Variants in AFF3 observed in about 807,000 individuals in gnomAD.
AFF3 encodes the protein AF4/FMR2 family member 3.
In AFF3, 32 loss-of-function variants were observed where a neutral mutation model predicts 129.7. The ratio of observed to expected loss-of-function variants is 0.25; its 90% CI spans 0.19 to 0.33. The LOEUF (loss-of-function observed/expected upper bound fraction) is 0.33. Among genes scored for constraint, AFF3 ranks in the 10% least tolerant of loss-of-function variants. AFF3 has a pLI of 1.00. For missense variants in AFF3, 1,373 were observed against 1,592.0 expected (o/e 0.86, Z 2.34); for synonymous variants, 644 against 635.4 (o/e 1.01, Z -0.20).
At chr2:100,117,418 A>G (rs2105546530) in intron 2 of AFF3, among the ~76,000 whole-genome samples, 1 of 152,262 alleles carries the variant, frequency 6.6e-6, no homozygotes, top group East Asian at 1.9e-4. Context: ...TCTCTTGTTA[A>G]ACCCATCCAC....
intron 8 of AFF3, among the ~76,000 whole-genome samples, chr2:99,765,001 A>G (rs568147710): frequency 6.6e-6 from 1 of 152,328 alleles, no homozygotes; most frequent in East Asian, 1.9e-4. Context: ...TCACTGCGTC[A>G]TTTCTGAGCC....
intron 7 of AFF3, among the ~76,000 whole-genome samples, chr2:99,939,144 G>A (rs1012928036): frequency 2.0e-5 from 3 of 152,132 alleles, no homozygotes; most frequent in South Asian, 2.1e-4. Context: ...TTATGGCTAA[G>A]AAAGAAAGGA....
At chr2:100,037,174 G>C (rs984737289) in intron 4 of AFF3, among the ~76,000 whole-genome samples, 10 of 151,410 alleles carry the variant, frequency 6.6e-5, no homozygotes, top group African/African-American at 2.4e-4. Flanking sequence ...CAAAATATTA[G>C]AAGAAAAAAA....
intron 7 of AFF3, among the ~76,000 whole-genome samples, chr2:99,877,077 A>C (rs1490008027): frequency 1.3e-5 from 2 of 152,214 alleles, no homozygotes; most frequent in African/African-American, 4.8e-5. Context: ...GGTCTAACCT[A>C]ACAACATTTC....
intron 7 of AFF3, among the ~76,000 whole-genome samples, chr2:99,982,823 A>T (rs994664279): frequency 6.6e-6 from 1 of 152,240 alleles, no homozygotes; most frequent in Non-Finnish European, 1.5e-5. Context: ...AAATCAGAAC[A>T]GAAAAAAATT....
Position 100,105,283 on chromosome 2 carries a change from C to A in AFF3, c.-65+221G>T, listed in dbSNP as rs1691198929. 1.2e-5 allele frequency: 14 copies of A among 1,174,262 alleles called. No individual in the cohort carries two copies. The South Asian group carries it at 1.9e-4, about 16-fold the overall frequency. 72.7% of individuals were successfully genotyped at this position (1,174,262 alleles called of 1,614,324 possible). On this transcript the variant is annotated intron_variant, in intron 3 of 24. Transcript: ENST00000672756. ...GGGTGCGGGGGAATTCCCCGGCCGC[C>A]CAGGCGCGGGGAGAGTGAGCTGTGC...
intron 8 of AFF3, among the ~76,000 whole-genome samples, chr2:99,830,227 A>T (rs552604033): frequency 6.6e-6 from 1 of 152,276 alleles, no homozygotes; most frequent in African/African-American, 2.4e-5. Context: ...AACATGGTAC[A>T]TGCATACCTA....
At chr2:99,875,520 G>A (rs143456758) in intron 7 of AFF3, among the ~76,000 whole-genome samples, 12 of 152,106 alleles carry the variant, frequency 7.9e-5, no homozygotes, top group East Asian at 5.8e-4. Flanking sequence ...ATTTTTGGTC[G>A]CTACCACTTG....
At chr2:99,777,947 C>CAAAAAAACAAAAAAA (rs1684051218) in intron 8 of AFF3, among the ~76,000 whole-genome samples, 1 of 48,340 alleles carries the variant, frequency 2.1e-5, no homozygotes, top group Admixed American at 2.9e-4. Context: ...AAAGCAAAAG[C>CAAAAAAACAAAAAAA]AAAAAAAAAA....
intron 4 of AFF3, among the ~76,000 whole-genome samples, chr2:100,083,858 A>C (rs1689218153): frequency 6.6e-6 from 1 of 152,060 alleles, no homozygotes. Context: ...GGGAGTACGG[A>C]GTGAGCCAGC....
At chr2:99,990,408 A>C (rs1033447276) in intron 7 of AFF3, among the ~76,000 whole-genome samples, 1 of 152,224 alleles carries the variant, frequency 6.6e-6, no homozygotes, top group African/African-American at 2.4e-5. Context: ...CACTTTAAAT[A>C]GTTAAGATGG....
intron 16 of AFF3, among the ~76,000 whole-genome samples, chr2:99,584,673 A>G (rs1450966909): frequency 3.3e-5 from 5 of 152,182 alleles, no homozygotes; most frequent in African/African-American, 7.2e-5. Flanking sequence ...CTATTACTTA[A>G]AAGTATTGTT....
chr2:99,713,841 G>A (rs1262121236), intron 11 of AFF3, among the ~76,000 whole-genome samples: 2 of 151,850 alleles, frequency 1.3e-5, no homozygotes, highest in African/African-American at 4.8e-5. Context: ...TGGGATTACA[G>A]GCGCCCGCTA....
At chr2:99,831,057 C>T (rs2309649) in intron 8 of AFF3, among the ~76,000 whole-genome samples, 1 of 152,060 alleles carries the variant, frequency 6.6e-6, no homozygotes, top group African/African-American at 2.4e-5. Context: ...ACCTAAAGGG[C>T]ACATCTTTGG....
At chr2:99,648,877 ACACGCG>A (rs1380936361) in intron 13 of AFF3, among the ~76,000 whole-genome samples, 9 of 44,310 alleles carry the variant, frequency 2.0e-4, no homozygotes, top group African/African-American at 5.2e-4. Context: ...GTTCCTCAAA[ACACGCG>A]CGCACACACA....
chr2:99,969,182 G>A (rs944322560), intron 7 of AFF3, among the ~76,000 whole-genome samples: 6 of 152,118 alleles, frequency 3.9e-5, no homozygotes, highest in Non-Finnish European at 4.4e-5. Context: ...CACATATTCC[G>A]CCTCTCTTGT....
chr2:100,091,494 T>C (rs1689851373), intron 4 of AFF3, among the ~76,000 whole-genome samples: 2 of 119,006 alleles, frequency 1.7e-5, no homozygotes, highest in African/African-American at 6.5e-5. Flanking sequence ...TTACTTTAAA[T>C]TACAGATAGT....
intron 13 of AFF3, among the ~76,000 whole-genome samples, chr2:99,630,023 T>C (rs1682979961): frequency 1.3e-5 from 2 of 152,232 alleles, no homozygotes; most frequent in South Asian, 2.1e-4. Context: ...CATGTTTCAC[T>C]ATAGACCCCC....
chr2:99,772,101 A>G (rs1024856660), intron 8 of AFF3, among the ~76,000 whole-genome samples: 2 of 152,174 alleles, frequency 1.3e-5, no homozygotes, highest in African/African-American at 2.4e-5. Context: ...CCACCTCAGA[A>G]AACAAGAAGT....
Sources: gnomAD v4.1 joint callset for allele counts (sites outside exome capture counted in the v4.1 genomes callset) on GRCh38, gnomAD v4.1.1 for gene constraint, MANE v1.5 for transcripts, NCBI Gene and HGNC (gene_info 2026-07-23, HGNC 2026-07-21) for gene names.